The following DIAPH3 variants were observed in gnomAD, a reference collection of about 807,000 sequenced individuals.
The protein encoded by DIAPH3 is protein diaphanous homolog 3.
Under a neutral mutation model 144.3 loss-of-function variants are expected in DIAPH3, and 117 were observed. The observed-to-expected ratio is 0.81, with a 90% CI of 0.70 to 0.95. DIAPH3 has a LOEUF of 0.95. DIAPH3 is among the 40% of genes least tolerant of loss of function. The pLI is 0.00. For missense variants in DIAPH3, 1,421 were observed against 1,412.7 expected (o/e 1.01, Z -0.09); for synonymous variants, 519 against 488.9 (o/e 1.06, Z -0.81).
intron 24 of DIAPH3, among the ~76,000 whole-genome samples, chr13:59,832,471 C>A (rs747508928): frequency 6.6e-6 from 1 of 151,792 alleles, no homozygotes; most frequent in Non-Finnish European, 1.5e-5. Flanking sequence ...AACAATTTTT[C>A]ATTGTAGAAA....
chr13:59,775,545 G>T (rs1033822607), intron 25 of DIAPH3, among the ~76,000 whole-genome samples: 1 of 152,158 alleles, frequency 6.6e-6, no homozygotes, highest in Non-Finnish European at 1.5e-5. Flanking sequence ...CACGGCCCGG[G>T]AGAGTGTTTT....
chr13:60,115,553 T>A (rs1183135543), intron 2 of DIAPH3, among the ~76,000 whole-genome samples: 1 of 152,172 alleles, frequency 6.6e-6, no homozygotes, highest in Non-Finnish European at 1.5e-5. Context: ...GTACAGTTAA[T>A]TTTATAAAGT....
chr13:59,666,421 T>G lies in DIAPH3; in HGVS notation c.*163A>C. The G allele has an allele frequency of 1.2e-6, 1 of 815,334 alleles. No homozygotes were observed. Among genetic ancestry groups the G allele is most frequent in the Non-Finnish European group, 1.8e-6 (1 of 548,368 alleles). The allele number at this position is 815,334 out of a possible 1,614,324, so 50.5% of individuals were successfully genotyped here. A position where few individuals can be genotyped will look rare whatever the true frequency, so the allele number is the denominator to read the frequency against. On this transcript the variant is annotated 3_prime_UTR_variant, in exon 28 of 28. Transcript: ENST00000400324. ...TGAATAAACCAAAACCTCCAGTACA[T>G]AGAAAAAGCATTGCAATCATATATT...
At chr13:59,686,462 T>C (rs1400101585) in intron 27 of DIAPH3, among the ~76,000 whole-genome samples, 2 of 151,006 alleles carry the variant, frequency 1.3e-5, no homozygotes, top group Non-Finnish European at 1.5e-5. Context: ...CATGCAAGAG[T>C]ACTCAGAGGT....
chr13:59,820,051 A>G (rs2040980696), intron 24 of DIAPH3, among the ~76,000 whole-genome samples: 2 of 152,024 alleles, frequency 1.3e-5, no homozygotes, highest in South Asian at 2.1e-4. Context: ...TTTCTTTACA[A>G]TAACATCAAC....
chr13:60,075,379 C>A (rs1484584486), intron 4 of DIAPH3, among the ~76,000 whole-genome samples: 7 of 152,066 alleles, frequency 4.6e-5, no homozygotes, highest in Admixed American at 1.3e-4. Flanking sequence ...TTTGCTTGCT[C>A]CCTCTCTCTC....
At chr13:59,911,512 C>T (rs933488788) in intron 20 of DIAPH3, among the ~76,000 whole-genome samples, 1 of 152,204 alleles carries the variant, frequency 6.6e-6, no homozygotes, top group East Asian at 1.9e-4. Context: ...ATTATACATA[C>T]AATTTTCAAA....
At chr13:59,911,215 C>T (rs1042720006) in intron 20 of DIAPH3, among the ~76,000 whole-genome samples, 1 of 152,026 alleles carries the variant, frequency 6.6e-6, no homozygotes, top group Non-Finnish European at 1.5e-5. Context: ...TTCTTTTCAC[C>T]TCTTTAGACC....
intron 4 of DIAPH3, among the ~76,000 whole-genome samples, chr13:60,090,983 T>A (rs1425653526): frequency 6.6e-6 from 1 of 152,172 alleles, no homozygotes; most frequent in African/African-American, 2.4e-5. Flanking sequence ...CTGAAATAGA[T>A]CCACATAACA....
chr13:59,967,949 G>A (rs2050151172), intron 17 of DIAPH3, among the ~76,000 whole-genome samples: 1 of 152,100 alleles, frequency 6.6e-6, no homozygotes, highest in African/African-American at 2.4e-5. Context: ...TGAGACAGAA[G>A]GTATCATAGT....
chr13:60,022,689 C>A (rs1018969494), intron 5 of DIAPH3, among the ~76,000 whole-genome samples: 17 of 152,156 alleles, frequency 1.1e-4, no homozygotes, highest in Admixed American at 9.2e-4. Flanking sequence ...TACCCTACTC[C>A]TTTATGACCT....
At chr13:59,948,733 T>A (rs2048928536) in intron 17 of DIAPH3, among the ~76,000 whole-genome samples, 1 of 152,080 alleles carries the variant, frequency 6.6e-6, no homozygotes, top group Admixed American at 6.6e-5. Context: ...AGCACTGGGG[T>A]TGTAGGTGTG....
chr13:60,096,323 G>A (rs2800306), intron 3 of DIAPH3, among the ~76,000 whole-genome samples: 114,754 of 152,102 alleles, frequency 0.75, 43,421 homozygotes, highest in Admixed American at 0.81. Context: ...CCCTTTAGTT[G>A]TGGCTGAAAT....
chr13:59,894,473 A>G lies in DIAPH3; in HGVS notation c.2368-15005T>C, dbSNP rs551556519. ...ATGGATAATTCCAAAGGAAGTGGTA[A>G]TAAGAATTCAGTAAGAAGTAGCTAA... On this transcript the variant is annotated intron_variant, in intron 20 of 27. Coordinates refer to ENST00000400324, the MANE Select transcript of DIAPH3 (RefSeq NM_001042517.2). 1.4e-4 allele frequency among the ~76,000 whole-genome samples: 21 copies of G among 151,950 alleles called. No homozygotes were observed. In the East Asian group the frequency reaches 4.1e-3, roughly 30 times the overall value.
intron 24 of DIAPH3, among the ~76,000 whole-genome samples, chr13:59,826,988 G>C (rs1314395518): frequency 6.6e-6 from 1 of 152,114 alleles, no homozygotes; most frequent in Non-Finnish European, 1.5e-5. Context: ...TATGGAGAAA[G>C]CTGAAACTGG....
intron 4 of DIAPH3, among the ~76,000 whole-genome samples, chr13:60,064,904 A>C (rs1426553122): frequency 6.6e-6 from 1 of 152,100 alleles, no homozygotes; most frequent in African/African-American, 2.4e-5. Context: ...TAGGGTTATT[A>C]ACTTCCTTAA....
At chr13:59,749,221 A>AAC in intron 27 of DIAPH3, among the ~76,000 whole-genome samples, 1 of 147,526 alleles carries the variant, frequency 6.8e-6, no homozygotes, top group South Asian at 2.2e-4. Flanking sequence ...AAAAAAAAAA[A>AAC]AAAAAAAAAA....
chr13:59,686,051 A>G (rs2033194407), intron 27 of DIAPH3, among the ~76,000 whole-genome samples: 1 of 152,146 alleles, frequency 6.6e-6, no homozygotes, highest in Non-Finnish European at 1.5e-5. Context: ...ACTCAGCTTC[A>G]TCAGTCACAA....
At chr13:59,731,278 C>T (rs1176850399) in intron 27 of DIAPH3, among the ~76,000 whole-genome samples, 1 of 152,108 alleles carries the variant, frequency 6.6e-6, no homozygotes, top group Non-Finnish European at 1.5e-5. Flanking sequence ...ACAGGTGCTC[C>T]CTGGAGCAAC....
Sources: allele counts gnomAD v4.1 joint callset (sites outside exome capture counted in the v4.1 genomes callset), GRCh38; gene constraint gnomAD v4.1.1; transcripts MANE v1.5; gene names NCBI Gene and HGNC (gene_info 2026-07-23, HGNC 2026-07-21).